Variants in RAPGEF4 observed in about 807,000 individuals in gnomAD.
The protein encoded by RAPGEF4 is RAP guanine-nucleotide-exchange factor (GEF) 4.
A neutral mutation model predicts 147.9 loss-of-function variants in RAPGEF4; 66 were observed. The ratio of observed to expected loss-of-function variants is 0.45; its 90% CI spans 0.37 to 0.55. The LOEUF is 0.55. Ranked by LOEUF, RAPGEF4 falls within the 20% of genes least tolerant of loss-of-function variation. RAPGEF4 has a pLI of 0.00. For synonymous variants in RAPGEF4, 419 were observed against 442.7 expected (o/e 0.95, Z 0.67); for missense variants, 1,071 against 1,257.3 (o/e 0.85, Z 2.24).
chr2:172,898,990 A>G (rs968542484), intron 4 of RAPGEF4, among the ~76,000 whole-genome samples: 2 of 152,172 alleles, frequency 1.3e-5, no homozygotes, highest in African/African-American at 2.4e-5. Flanking sequence ...ACTGTATTCA[A>G]TTATGTTGCT....
Position 172,980,636 on chromosome 2 carries a change from C to T in RAPGEF4, c.1005-2860C>T, listed in dbSNP as rs2105639104. On this transcript the variant is annotated intron_variant, in intron 10 of 30. Coordinates refer to ENST00000397081, the MANE Select transcript of RAPGEF4 (RefSeq NM_007023.4). ...GGAGCTGGAATTCTGCCATCTTTAC[C>T]TCTCTTCTTCTACAGTTTGTGCAGG... Among the ~76,000 whole-genome samples, 4 of 152,244 alleles carry T rather than the reference C, an allele frequency of 2.6e-5. No individual in the cohort carries two copies. In the South Asian group the frequency reaches 8.3e-4, roughly 32 times the overall value.
chr2:173,027,331 A>AC, intron 25 of RAPGEF4, 72 bp downstream of exon 25: 1 of 1,305,380 alleles, frequency 7.7e-7, no homozygotes, highest in South Asian at 1.6e-5. Context: ...CTTAGACTAC[A>AC]CCTTAAAAAG....
At chr2:172,827,514 A>G (rs1689799750) in intron 4 of RAPGEF4, among the ~76,000 whole-genome samples, 1 of 151,666 alleles carries the variant, frequency 6.6e-6, no homozygotes, top group African/African-American at 2.4e-5. Context: ...ATTCCATCCC[A>G]CCATTCTCAG....
intron 4 of RAPGEF4, among the ~76,000 whole-genome samples, chr2:172,891,453 T>C (rs1697902557): frequency 6.6e-6 from 1 of 152,256 alleles, no homozygotes; most frequent in African/African-American, 2.4e-5. Flanking sequence ...GAAGCCAGCT[T>C]TAATTTCCTT....
At chr2:172,969,143 A>G (rs1054356101) in intron 10 of RAPGEF4, among the ~76,000 whole-genome samples, 5 of 152,250 alleles carry the variant, frequency 3.3e-5, no homozygotes, top group African/African-American at 1.2e-4. Flanking sequence ...CCTGAGAACA[A>G]TGCCCGTGTG....
At chr2:172,948,034 G>C (rs1165846164) in intron 6 of RAPGEF4, among the ~76,000 whole-genome samples, 1 of 152,070 alleles carries the variant, frequency 6.6e-6, no homozygotes, top group Non-Finnish European at 1.5e-5. Context: ...AAATCATCTG[G>C]TGTATACCTT....
chr2:172,968,359 T>A (rs1430046667), intron 10 of RAPGEF4, among the ~76,000 whole-genome samples: 1 of 152,210 alleles, frequency 6.6e-6, no homozygotes. Flanking sequence ...CATTACATGT[T>A]ACATGTCCTG....
chr2:173,050,212 T>A (rs1272625928), intron 30 of RAPGEF4, among the ~76,000 whole-genome samples: 1 of 152,222 alleles, frequency 6.6e-6, no homozygotes, highest in African/African-American at 2.4e-5. Context: ...AATCTATAGA[T>A]AAAGCTATAG....
intron 1 of RAPGEF4, among the ~76,000 whole-genome samples, chr2:172,759,246 G>A (rs961803478): frequency 6.6e-6 from 1 of 152,170 alleles, no homozygotes; most frequent in African/African-American, 2.4e-5. Flanking sequence ...ATGGTATTGT[G>A]AAGAAGCTGG....
chr2:172,748,493 G>T (rs1049097699), intron 1 of RAPGEF4, among the ~76,000 whole-genome samples: 1 of 152,144 alleles, frequency 6.6e-6, no homozygotes, highest in African/African-American at 2.4e-5. Flanking sequence ...CAGATCTCAT[G>T]AGACTTATCC....
At chr2:172,983,947 A>G (rs1208144503) in intron 11 of RAPGEF4, among the ~76,000 whole-genome samples, 1 of 152,170 alleles carries the variant, frequency 6.6e-6, no homozygotes, top group African/African-American at 2.4e-5. Flanking sequence ...GAGGGTGGAA[A>G]GAGGGAAACC....
intron 1 of RAPGEF4, among the ~76,000 whole-genome samples, chr2:172,771,038 T>C (rs1683514240): frequency 6.6e-6 from 1 of 152,292 alleles, no homozygotes; most frequent in African/African-American, 2.4e-5. Context: ...CAGGTTGTTA[T>C]AACAAAGTAC....
intron 1 of RAPGEF4, among the ~76,000 whole-genome samples, chr2:172,792,992 CT>C (rs1352700279): frequency 6.6e-6 from 1 of 152,156 alleles, no homozygotes; most frequent in Non-Finnish European, 1.5e-5. Context: ...ACTTTTTTCT[CT>C]CAGGGTTCTG....
At chr2:172,981,330 A>G (rs1575435217) in intron 10 of RAPGEF4, among the ~76,000 whole-genome samples, 1 of 152,220 alleles carries the variant, frequency 6.6e-6, no homozygotes, top group Admixed American at 6.5e-5. Context: ...ATAGTAGTAG[A>G]TGGATGAAGG....
At chr2:172,767,545 G>T (rs945219550) in intron 1 of RAPGEF4, among the ~76,000 whole-genome samples, 1 of 152,180 alleles carries the variant, frequency 6.6e-6, no homozygotes, top group African/African-American at 2.4e-5. Flanking sequence ...AGGAAAATGA[G>T]ATTGTGCTGA....
chr2:173,036,539 C>G (rs545784648), intron 28 of RAPGEF4, 89 bp from the exon 29 acceptor site: 1 of 1,017,688 alleles, frequency 9.8e-7, no homozygotes, highest in African/African-American at 1.6e-5. Flanking sequence ...TTATGCAAAT[C>G]TGCCAGCATA....
intron 23 of RAPGEF4, among the ~76,000 whole-genome samples, chr2:173,026,160 G>T (rs769650414): frequency 6.6e-6 from 1 of 152,290 alleles, no homozygotes; most frequent in Middle Eastern, 3.4e-3. Context: ...GTGGATGAAC[G>T]TCCCAAACTG....
At chr2:172,774,418 T>A (rs1342460734) in intron 1 of RAPGEF4, among the ~76,000 whole-genome samples, 2 of 152,214 alleles carry the variant, frequency 1.3e-5, no homozygotes, top group African/African-American at 4.8e-5. Flanking sequence ...CCACTAGAAC[T>A]CCAAACCATT....
chr2:172,863,799 G>A (rs970736818), intron 4 of RAPGEF4, among the ~76,000 whole-genome samples: 1 of 152,126 alleles, frequency 6.6e-6, no homozygotes, highest in African/African-American at 2.4e-5. Context: ...AACATATTTA[G>A]GCTCCTTTTC....
Sources: gnomAD v4.1 joint callset for allele counts (sites outside exome capture counted in the v4.1 genomes callset) on GRCh38, gnomAD v4.1.1 for gene constraint, MANE v1.5 for transcripts, NCBI Gene and HGNC (gene_info 2026-07-23, HGNC 2026-07-21) for gene names.